ALDH3B1: variants seen among roughly 807,000 people sequenced by gnomAD.
The protein encoded by ALDH3B1 is aldehyde dehydrogenase 3 family member B1, also known as aldehyde dehydrogenase family 3 member B1.
Under a neutral mutation model 46.2 loss-of-function variants are expected in ALDH3B1, and 37 were observed. The observed-to-expected ratio is 0.80, with a 90% CI of 0.62 to 1.05. The LOEUF (loss-of-function observed/expected upper bound fraction) is 1.05. Ranked by LOEUF, ALDH3B1 falls within the 50% of genes least tolerant of loss-of-function variation. The pLI is 0.00. For missense variants in ALDH3B1, 603 were observed against 665.5 expected (o/e 0.91, Z 1.03); for synonymous variants, 283 against 281.0 (o/e 1.01, Z -0.07).
Position 68,018,515 on chromosome 11 carries a change from C to T in ALDH3B1, c.163-12C>T. 1 of 1,558,546 alleles carries T rather than the reference C, an allele frequency of 6.4e-7. No homozygotes were observed. The highest frequency in any genetic ancestry group is 1.4e-5 in the African/African-American group (1 of 73,554). On this transcript the variant is annotated splice_polypyrimidine_tract_variant and intron_variant, in intron 2 of 9. Transcript: ENST00000342456. ...AATCCTGGCCCACCCTGACCCCACC[C>T]ACTTCCTGCAGTCAGCCTTCGAGTC...
Position 68,015,433 on chromosome 11 carries a change from G to A in ALDH3B1, c.136G>A (p.Asp46Asn). 3 of 1,562,838 alleles carry A rather than the reference G, an allele frequency of 1.9e-6. No individual in the cohort carries two copies. Among genetic ancestry groups the A allele is most frequent in the Non-Finnish European group, 2.6e-6 (3 of 1,153,896 alleles). ...GCAAGAAAACAAGCAGCTTCTGCAC[G>A]ACGCACTGGCCCAGGACCTGCACAA... ...FLQENKQLLHDALAQDLHKSA... is the reference protein window; with the variant it reads ...FLQENKQLLHNALAQDLHKSA... The change falls in exon 2 of 10, where the codon GAC becomes AAC. Residue 46 changes from aspartate (D) to asparagine (N), a missense_variant. Transcript: ENST00000342456.
At chr11:68,019,655 G>C in intron 5 of ALDH3B1, 60 bp from the exon 6 acceptor site, 2 of 1,576,550 alleles carry the variant, frequency 1.3e-6, no homozygotes, top group Non-Finnish European at 1.7e-6. Flanking sequence ...AGGGCGGGCT[G>C]CTCCCTTGTG....
Position 68,028,132 on chromosome 11 carries a change from C to A in ALDH3B1, c.*193C>A. 1.2e-6 allele frequency: 1 copy of A among 826,926 alleles called. No homozygotes were observed. Among genetic ancestry groups the A allele is most frequent in the Non-Finnish European group, 2.1e-6 (1 of 478,358 alleles). 51.2% of individuals were successfully genotyped at this position (826,926 alleles called of 1,614,324 possible). ...CTCAGCCTCCTCCCTCAGCCGCTCC[C>A]AACCATGAGAGCCGAGGTGGGAGGC... On this transcript the variant is annotated 3_prime_UTR_variant, in exon 10 of 10. Coordinates refer to ENST00000342456, the MANE Select transcript of ALDH3B1 (RefSeq NM_000694.4).
In ALDH3B1 at chr11:68,027,930, A is replaced by T; in HGVS notation, c.1398A>T (p.Thr466=). The T allele has an allele frequency of 3.2e-6, 5 of 1,555,196 alleles. No individual in the cohort carries two copies. Among genetic ancestry groups the T allele is most frequent in the Non-Finnish European group, 4.3e-6 (5 of 1,155,962 alleles). The change falls in exon 10 of 10, where the codon ACA becomes ACT. Residue 466 remains threonine, a synonymous_variant. Coordinates refer to ENST00000342456, the MANE Select transcript of ALDH3B1 (RefSeq NM_000694.4). ...VAMEAQGCSC[T]LL ...TGGAGGCCCAAGGCTGCAGCTGCAC[A>T]CTGCTCTGAGCCCTTCCCCAGGCCC...
chr11:68,022,515 G>C (rs1857523870), intron 7 of ALDH3B1, 80 bp from the exon 8 acceptor site: 1 of 1,511,162 alleles, frequency 6.6e-7, no homozygotes, highest in Non-Finnish European at 8.8e-7. Context: ...CTGGCCTGTG[G>C]CCCTGTCCCC....
upstream of ALDH3B1, among the ~76,000 whole-genome samples, chr11:68,009,269 G>A (rs550207329): frequency 4.6e-5 from 7 of 152,346 alleles, no homozygotes; most frequent in South Asian, 1.2e-3. Context: ...GGAGGAACAC[G>A]GAAGCACAGG....
chr11:68,010,885 G>A (rs1857215268), intron 1 of ALDH3B1, among the ~76,000 whole-genome samples: 1 of 152,186 alleles, frequency 6.6e-6, no homozygotes, highest in South Asian at 2.1e-4. Flanking sequence ...CTTTGTCAGG[G>A]TCCAAGAAAG....
Position 68,019,644 on chromosome 11 carries a change from C to T in ALDH3B1, c.481-71C>T, listed in dbSNP as rs1857439421. 3.2e-6 allele frequency: 5 copies of T among 1,542,532 alleles called. No homozygotes were observed. In the African/African-American group the frequency reaches 5.4e-5, roughly 17 times the overall value. ...GGGTGGAGGCAGGGCAGGGTCCAGG[C>T]AGGGCGGGCTGCTCCCTTGTGTTCT... On this transcript the variant is annotated intron_variant, in intron 5 of 9. Coordinates refer to ENST00000342456, the MANE Select transcript of ALDH3B1 (RefSeq NM_000694.4).
At chr11:68,009,433 A>G (rs994011489), upstream of ALDH3B1, among the ~76,000 whole-genome samples, 1 of 152,220 alleles carries the variant, frequency 6.6e-6, no homozygotes, top group African/African-American at 2.4e-5. Context: ...CACCTCAGAC[A>G]CTGGATTAAA....
intron 5 of ALDH3B1, 151 bp from the exon 6 acceptor site, chr11:68,019,564 C>T (rs1857437172): frequency 1.2e-6 from 1 of 814,706 alleles, no homozygotes; most frequent in African/African-American, 1.7e-5. Flanking sequence ...GCTCCCTTCT[C>T]CCCACTTTGC....
intron 5 of ALDH3B1, 63 bp downstream of exon 5, chr11:68,019,318 T>G: frequency 2.0e-6 from 3 of 1,480,082 alleles, no homozygotes; most frequent in South Asian, 1.2e-5. Context: ...GGGCAGCCCC[T>G]GGCATGGAAG....
chr11:68,028,473 T>C lies in ALDH3B1; in HGVS notation c.*534T>C, dbSNP rs1199935603. 2 of 231,840 alleles carry C rather than the reference T, an allele frequency of 8.6e-6. No homozygotes were observed. Among genetic ancestry groups the C allele is most frequent in the Non-Finnish European group, 1.8e-5 (2 of 112,900 alleles). 14.4% of individuals were successfully genotyped at this position (231,840 alleles called of 1,614,324 possible). A position where few individuals can be genotyped will look rare whatever the true frequency, so the allele number is the denominator to read the frequency against. On this transcript the variant is annotated 3_prime_UTR_variant, in exon 10 of 10. Transcript: ENST00000342456. ...AGGCGGATCACCTGAAATCAGGAGT[T>C]CAAGATCAGCCTGGCTAACATGGCG...
chr11:68,014,979 TC>T, intron 1 of ALDH3B1: 1 of 311,028 alleles, frequency 3.2e-6, no homozygotes, highest in Non-Finnish European at 5.9e-6. Flanking sequence ...CTGCTCACCC[TC>T]GGGGGCTGTG....
intron 1 of ALDH3B1, 70 bp from the exon 2 acceptor site, chr11:68,015,227 G>A (rs1267284739): frequency 2.8e-6 from 4 of 1,431,204 alleles, no homozygotes; most frequent in African/African-American, 2.9e-5. Flanking sequence ...CCAGACCCTG[G>A]GGCGGCTGGG....
chr11:68,020,798 C>A (rs1857473128), intron 6 of ALDH3B1, among the ~76,000 whole-genome samples: 1 of 152,238 alleles, frequency 6.6e-6, no homozygotes, highest in South Asian at 2.1e-4. Context: ...GGAGAAATGC[C>A]AGGGCCATCC....
intron 1 of ALDH3B1, 200 bp from the exon 2 acceptor site, chr11:68,015,097 G>C (rs1857315875): frequency 1.9e-6 from 1 of 540,306 alleles, no homozygotes; most frequent in Non-Finnish European, 3.2e-6. Context: ...AGTGCTCACT[G>C]TTGGGTGAAA....
At chr11:68,022,372 T>C (rs1857520978) in intron 7 of ALDH3B1, among the ~76,000 whole-genome samples, 2 of 152,204 alleles carry the variant, frequency 1.3e-5, no homozygotes, top group Admixed American at 1.3e-4. Flanking sequence ...GGATTCTCTG[T>C]GTCCCACAGG....
chr11:68,015,932 G>C (rs1175315323), intron 2 of ALDH3B1: 1 of 291,970 alleles, frequency 3.4e-6, no homozygotes, highest in Non-Finnish European at 6.7e-6. Context: ...TGGATGTGGT[G>C]GTGGGCACCT....
chr11:68,019,671 G>A lies in ALDH3B1; in HGVS notation c.481-44G>A, dbSNP rs61887541. 6,557 of 1,603,462 alleles carry A rather than the reference G, an allele frequency of 4.1e-3. 15 individuals carry two copies. The highest frequency in any genetic ancestry group is 5.2e-3 in the Non-Finnish European group (6,046 of 1,172,594). On this transcript the variant is annotated intron_variant, in intron 5 of 9. Coordinates refer to ENST00000342456, the MANE Select transcript of ALDH3B1 (RefSeq NM_000694.4). ...GGGCGGGCTGCTCCCTTGTGTTCTC[G>A]GAGCTGGGGTCCCAGAAGGAGCCTC...
Sources: gnomAD v4.1 joint callset for allele counts (sites outside exome capture counted in the v4.1 genomes callset) on GRCh38, gnomAD v4.1.1 for gene constraint, MANE v1.5 for transcripts, NCBI Gene and HGNC (gene_info 2026-07-23, HGNC 2026-07-21) for gene names.